SASH1: variants seen among roughly 807,000 people sequenced by gnomAD.
SASH1 encodes the protein SAM and SH3 domain containing 1, also known as SAM and SH3 domain-containing protein 1.
In SASH1, 44 loss-of-function variants were observed where a neutral mutation model predicts 125.2. That is an observed-to-expected ratio of 0.35 (90% confidence interval 0.28 to 0.45). The LOEUF (loss-of-function observed/expected upper bound fraction) is 0.45. Ranked by LOEUF, SASH1 falls within the 20% of genes least tolerant of loss-of-function variation. SASH1 has a pLI of 1.00. For synonymous variants in SASH1, 639 were observed against 649.1 expected (o/e 0.98, Z 0.24); for missense variants, 1,426 against 1,614.5 (o/e 0.88, Z 2.00).
intron 8 of SASH1, among the ~76,000 whole-genome samples, chr6:148,496,838 A>G (rs1314514435): frequency 6.6e-6 from 1 of 151,988 alleles, no homozygotes; most frequent in African/African-American, 2.4e-5. Flanking sequence ...GTACCACTGC[A>G]CTCCAGCCTA....
intron 8 of SASH1, among the ~76,000 whole-genome samples, chr6:148,512,174 A>G (rs560762209): frequency 6.6e-6 from 1 of 152,048 alleles, no homozygotes; most frequent in South Asian, 2.1e-4. Flanking sequence ...ACCCGCCACC[A>G]CGCCCAGCTA....
intron 1 of SASH1, among the ~76,000 whole-genome samples, chr6:148,306,707 G>A (rs1358371316): frequency 6.6e-6 from 1 of 152,116 alleles, no homozygotes; most frequent in Non-Finnish European, 1.5e-5. Flanking sequence ...GCTGAGACAG[G>A]GTCAGGTTTT....
At chr6:148,405,854 G>T (rs1429664285) in intron 2 of SASH1, among the ~76,000 whole-genome samples, 1 of 152,202 alleles carries the variant, frequency 6.6e-6, no homozygotes, top group African/African-American at 2.4e-5. Flanking sequence ...GAGAAAAGCT[G>T]CACTTACTGG....
intron 1 of SASH1, among the ~76,000 whole-genome samples, chr6:148,314,809 T>G (rs1432741393): frequency 2.1e-5 from 3 of 144,230 alleles, no homozygotes; most frequent in African/African-American, 2.6e-5. Flanking sequence ...CAGGCTGGAG[T>G]GCAGTGCCGC....
chr6:148,285,239 T>A (rs1017019597), intron 1 of SASH1, among the ~76,000 whole-genome samples: 1 of 152,228 alleles, frequency 6.6e-6, no homozygotes, highest in Non-Finnish European at 1.5e-5. Context: ...AAAGACTGGT[T>A]TGAGGTAGGG....
At chr6:148,428,142 A>G (rs1025457885) in intron 2 of SASH1, among the ~76,000 whole-genome samples, 1 of 152,186 alleles carries the variant, frequency 6.6e-6, no homozygotes, top group Admixed American at 6.5e-5. Flanking sequence ...CTCACCTTTT[A>G]TGAACTAACT....
At chr6:148,456,725 G>A (rs1357643519) in intron 4 of SASH1, among the ~76,000 whole-genome samples, 1 of 151,826 alleles carries the variant, frequency 6.6e-6, no homozygotes, top group East Asian at 1.9e-4. Flanking sequence ...AGCTGGACAT[G>A]GTGGTGCGCG....
In SASH1 at chr6:148,512,471, T is replaced by G. The variant is rs571211886; in HGVS notation, c.730-1853T>G. 852 of 985,260 alleles carry G rather than the reference T, an allele frequency of 8.6e-4. 1 individual carries two copies. The highest frequency in any genetic ancestry group is 9.9e-4 in the Non-Finnish European group (820 of 829,904). The allele number at this position is 985,260 out of a possible 1,614,324, so 61.0% of individuals were successfully genotyped here. On this transcript the variant is annotated intron_variant, in intron 8 of 19. Transcript: ENST00000367467. Reference sequence around the variant, plus strand: ...TGTAATTCCATGAACTGTGGGTTTTTCAGGTGCTTGTTACCCAGAATGAGG... The same window carrying G: ...TGTAATTCCATGAACTGTGGGTTTTGCAGGTGCTTGTTACCCAGAATGAGG...
intron 1 of SASH1, among the ~76,000 whole-genome samples, chr6:148,336,715 T>C (rs898844672): frequency 1.2e-4 from 19 of 152,200 alleles, no homozygotes; most frequent in Admixed American, 1.2e-3. Flanking sequence ...TGATCTCCTA[T>C]GAAAGTTCCT....
At chr6:148,516,638 C>CTT (rs201907066) in intron 9 of SASH1, among the ~76,000 whole-genome samples, 92 of 149,528 alleles carry the variant, frequency 6.2e-4, no homozygotes, top group Admixed American at 3.3e-3. Context: ...TTCCTTAACA[C>CTT]TTTAGATTTT....
the SASH1 span, among the ~76,000 whole-genome samples, chr6:148,255,248 G>C: frequency 6.6e-6 from 1 of 152,124 alleles, no homozygotes; most frequent in South Asian, 2.1e-4. Flanking sequence ...GGTGTTGGTA[G>C]CCTTGGTTTC....
intron 5 of SASH1, among the ~76,000 whole-genome samples, chr6:148,470,228 CG>C (rs1778035279): frequency 6.6e-6 from 1 of 152,116 alleles, no homozygotes; most frequent in African/African-American, 2.4e-5. Context: ...CGGAAAGGCT[CG>C]GGTTTCATTC....
At chr6:148,424,534 T>G (rs2114956364) in intron 2 of SASH1, among the ~76,000 whole-genome samples, 1 of 150,954 alleles carries the variant, frequency 6.6e-6, no homozygotes, top group Non-Finnish European at 1.5e-5. Flanking sequence ...CAGATGGGGC[T>G]TGTTCTGTTT....
At chr6:148,275,434 T>C (rs1367138411) in intron 1 of SASH1, among the ~76,000 whole-genome samples, 2 of 152,152 alleles carry the variant, frequency 1.3e-5, no homozygotes, top group Non-Finnish European at 2.9e-5. Context: ...TAGACTGTCT[T>C]ATTCCTCTTC....
At chr6:148,284,050 T>A (rs926313289) in intron 1 of SASH1, among the ~76,000 whole-genome samples, 23 of 152,160 alleles carry the variant, frequency 1.5e-4, no homozygotes, top group African/African-American at 5.6e-4. Flanking sequence ...GCCAAGGATA[T>A]AATCATTCCA....
rs574457219 is a variant in SASH1, at chr6:148,447,845, A to C, written c.386+7438A>C. Among the ~76,000 whole-genome samples, 3 of 152,120 alleles carry C rather than the reference A, an allele frequency of 2.0e-5. No homozygotes were observed. The East Asian group carries it at 5.8e-4, about 30-fold the overall frequency. The stretch of plus-strand genomic sequence containing the variant: ...CCCTAGGCAGAGCAAAAGCCGCTGC[A>C]GTTTCTCAGACAGGCCCTATTCTCC... On this transcript the variant is annotated intron_variant, in intron 4 of 19. Coordinates refer to ENST00000367467, the MANE Select transcript of SASH1 (RefSeq NM_015278.5).
At chr6:148,510,788 G>A (rs1481307345) in intron 8 of SASH1, among the ~76,000 whole-genome samples, 1 of 152,002 alleles carries the variant, frequency 6.6e-6, no homozygotes, top group Non-Finnish European at 1.5e-5. Flanking sequence ...CTGAGAGTCA[G>A]GAGTTCAAGA....
chr6:148,327,953 A>G lies in SASH1; in HGVS notation n.74+55576A>G, dbSNP rs1370560846. 3.0e-4 allele frequency among the ~76,000 whole-genome samples: 45 copies of G among 151,620 alleles called. No homozygotes were observed. In the East Asian group the frequency reaches 7.6e-3, roughly 26 times the overall value. On this transcript the variant is annotated intron_variant and non_coding_transcript_variant, in intron 1 of 3. Transcript: ENST00000367469. ...AAGACTCTGTCTAAAAAAAAAAAAA[A>G]AAAGAAAAAGAAAAAGAAAAAAGAA...
At chr6:148,500,814 TGGG>T (rs1335638518) in intron 8 of SASH1, among the ~76,000 whole-genome samples, 1 of 152,158 alleles carries the variant, frequency 6.6e-6, no homozygotes, top group Non-Finnish European at 1.5e-5. Context: ...TTTTTCTTCT[TGGG>T]GGGCTTTTGC....
Sources: gnomAD v4.1 joint callset for allele counts (sites outside exome capture counted in the v4.1 genomes callset) on GRCh38, gnomAD v4.1.1 for gene constraint, MANE v1.5 for transcripts, NCBI Gene and HGNC (gene_info 2026-07-23, HGNC 2026-07-21) for gene names.